Variants in ZDHHC14 observed in about 807,000 individuals in gnomAD.
ZDHHC14 encodes the protein palmitoyltransferase ZDHHC14.
In ZDHHC14, 16 loss-of-function variants were observed where a neutral mutation model predicts 47.7. That is an observed-to-expected ratio of 0.34 (90% CI 0.23 to 0.51). The LOEUF is 0.51. Among genes scored for constraint, ZDHHC14 ranks in the 20% least tolerant of loss-of-function variants. The pLI is 0.97. For missense variants in ZDHHC14, 515 were observed against 662.5 expected (o/e 0.78, Z 2.44); for synonymous variants, 293 against 278.9 (o/e 1.05, Z -0.50).
At chr6:157,579,264 C>A (rs1783429925) in intron 2 of ZDHHC14, among the ~76,000 whole-genome samples, 1 of 125,612 alleles carries the variant, frequency 8.0e-6, no homozygotes, top group Non-Finnish European at 1.6e-5. Flanking sequence ...GTGGCGCGAT[C>A]TCGGCTCACT....
chr6:157,443,995 G>A (rs1327636751), intron 1 of ZDHHC14, among the ~76,000 whole-genome samples: 2 of 152,196 alleles, frequency 1.3e-5, no homozygotes, highest in African/African-American at 2.4e-5. Context: ...GAGTCAGCTA[G>A]CATTTAATAA....
intron 1 of ZDHHC14, among the ~76,000 whole-genome samples, chr6:157,393,308 T>C (rs1777456894): frequency 6.6e-6 from 1 of 152,178 alleles, no homozygotes; most frequent in South Asian, 2.1e-4. Context: ...GGGAATGAGG[T>C]GGGGCCCAGC....
chr6:157,548,835 C>T (rs1217474640), intron 2 of ZDHHC14, among the ~76,000 whole-genome samples: 1 of 152,180 alleles, frequency 6.6e-6, no homozygotes, highest in Non-Finnish European at 1.5e-5. Context: ...TACCTGTGAC[C>T]ATGAAATGAA....
chr6:157,660,071 T>G (rs764168749), intron 8 of ZDHHC14, among the ~76,000 whole-genome samples: 1 of 152,168 alleles, frequency 6.6e-6, no homozygotes, highest in African/African-American at 2.4e-5. Flanking sequence ...CACAGCAACC[T>G]GCAAGATAGC....
At chr6:157,407,471 A>T (rs1376732508) in intron 1 of ZDHHC14, among the ~76,000 whole-genome samples, 1 of 152,190 alleles carries the variant, frequency 6.6e-6, no homozygotes, top group African/African-American at 2.4e-5. Flanking sequence ...GACACAAGAA[A>T]ACTTCCCAGC....
chr6:157,607,402 A>G (rs1784582421), intron 3 of ZDHHC14, among the ~76,000 whole-genome samples: 1 of 152,186 alleles, frequency 6.6e-6, no homozygotes, highest in South Asian at 2.1e-4. Context: ...TAAAACAAAC[A>G]AACAAACAAA....
At chr6:157,592,921 G>A (rs2114892355) in intron 2 of ZDHHC14, 67 bp from the exon 3 acceptor site, 1 of 1,525,392 alleles carries the variant, frequency 6.6e-7, no homozygotes, top group African/African-American at 1.4e-5. Context: ...CACTCCAGGC[G>A]GACGGGTCCC....
At chr6:157,543,757 G>C (rs1781858640) in intron 2 of ZDHHC14, among the ~76,000 whole-genome samples, 1 of 152,220 alleles carries the variant, frequency 6.6e-6, no homozygotes, top group Non-Finnish European at 1.5e-5. Flanking sequence ...AGTGTGTGGA[G>C]TGTGTGGTGT....
At chr6:157,618,386 A>G (rs1321009268) in intron 3 of ZDHHC14, among the ~76,000 whole-genome samples, 1 of 151,640 alleles carries the variant, frequency 6.6e-6, no homozygotes, top group Non-Finnish European at 1.5e-5. Flanking sequence ...CAATGGTGCT[A>G]TCTTGGCTCA....
intron 1 of ZDHHC14, among the ~76,000 whole-genome samples, chr6:157,477,861 G>A (rs1779530065): frequency 6.6e-6 from 1 of 152,150 alleles, no homozygotes. Flanking sequence ...ACGTAGAAAG[G>A]TTTTTCCCAC....
At chr6:157,466,101 A>G (rs1196244604) in intron 1 of ZDHHC14, among the ~76,000 whole-genome samples, 1 of 151,752 alleles carries the variant, frequency 6.6e-6, no homozygotes, top group African/African-American at 2.4e-5. Flanking sequence ...GGCGGGCCCC[A>G]CAGCCTGAGA....
Position 157,667,963 on chromosome 6 carries a change from A to G in ZDHHC14, c.1069-4761A>G, listed in dbSNP as rs935498857. 3.3e-5 allele frequency among the ~76,000 whole-genome samples: 5 copies of G among 152,362 alleles called. No individual in the cohort carries two copies. The South Asian group carries it at 6.2e-4, about 19-fold the overall frequency. ...GACAAAACTCTGCTCTGTCCACGCC[A>G]GTGCTCTCTTCTGAGCCAACAGGAG... On this transcript the variant is annotated intron_variant, in intron 8 of 8. Coordinates refer to ENST00000359775, the MANE Select transcript of ZDHHC14 (RefSeq NM_024630.3).
chr6:157,400,266 C>T (rs1215361104), intron 1 of ZDHHC14, among the ~76,000 whole-genome samples: 1 of 152,166 alleles, frequency 6.6e-6, no homozygotes, highest in African/African-American at 2.4e-5. Context: ...TGACCCTCTC[C>T]CTGTGTGAGA....
chr6:157,417,580 A>G (rs1229661847), intron 1 of ZDHHC14, among the ~76,000 whole-genome samples: 1 of 152,214 alleles, frequency 6.6e-6, no homozygotes, highest in African/African-American at 2.4e-5. Context: ...AGTTTGGCAC[A>G]TAGTGTGCCT....
At chr6:157,423,861 C>T (rs1485553714) in intron 1 of ZDHHC14, among the ~76,000 whole-genome samples, 3 of 152,058 alleles carry the variant, frequency 2.0e-5, no homozygotes, top group African/African-American at 7.2e-5. Flanking sequence ...CAGGTTCCAC[C>T]CCAGACCTGC....
chr6:157,443,018 C>T (rs1487685884), intron 1 of ZDHHC14, among the ~76,000 whole-genome samples: 2 of 152,118 alleles, frequency 1.3e-5, no homozygotes, highest in African/African-American at 2.4e-5. Flanking sequence ...CTCTGTGTCC[C>T]CACCCAAACC....
intron 1 of ZDHHC14, among the ~76,000 whole-genome samples, chr6:157,491,540 C>T (rs1256302090): frequency 6.6e-6 from 1 of 152,026 alleles, no homozygotes; most frequent in Non-Finnish European, 1.5e-5. Context: ...TTGATGAATA[C>T]TTTTATAATG....
At position 157,601,505 on chromosome 6, in the gene ZDHHC14, A is replaced by G. The variant is rs549064514; in HGVS notation, c.565+8359A>G. Among the ~76,000 whole-genome samples the G allele has an allele frequency of 5.9e-5, 9 of 152,342 alleles. No individual in the cohort carries two copies. The South Asian group carries it at 1.9e-3, about 32-fold the overall frequency. On this transcript the variant is annotated intron_variant, in intron 3 of 8. Transcript: ENST00000359775. ...GGTTTATCAGTTACCTAATAAATAC[A>G]TTAAAATAGCATACTATGTATCAGT... is the stretch of plus-strand genomic sequence containing the variant.
chr6:157,513,499 G>A (rs1780567821), intron 1 of ZDHHC14, among the ~76,000 whole-genome samples: 1 of 152,080 alleles, frequency 6.6e-6, no homozygotes, highest in Non-Finnish European at 1.5e-5. Flanking sequence ...ATTGCACCCC[G>A]AGCTCCATCT....
Sources: allele counts gnomAD v4.1 joint callset (sites outside exome capture counted in the v4.1 genomes callset), GRCh38; gene constraint gnomAD v4.1.1; transcripts MANE v1.5; gene names NCBI Gene and HGNC (gene_info 2026-07-23, HGNC 2026-07-21).